ASXL2: variants seen among roughly 807,000 people sequenced by gnomAD.
The protein encoded by ASXL2 is ASXL transcriptional regulator 2.
ASXL2 carries 23 observed loss-of-function variants against 122.0 expected under a neutral mutation model. That is an observed-to-expected ratio of 0.19 (90% CI 0.14 to 0.27). The LOEUF is 0.27. Among genes scored for constraint, ASXL2 ranks in the 10% least tolerant of loss-of-function variants. The pLI is 1.00. For synonymous variants in ASXL2, 650 were observed against 637.0 expected, an observed-to-expected ratio of 1.02 and a Z score of -0.31; for missense variants, 1,518 against 1,713.8, an observed-to-expected ratio of 0.89 and a Z score of 2.02.
intron 3 of ASXL2, among the ~76,000 whole-genome samples, chr2:25,807,807 G>A (rs1231583081): frequency 6.6e-6 from 1 of 151,980 alleles, no homozygotes; most frequent in Non-Finnish European, 1.5e-5. Context: ...AAAAACATGA[G>A]GTCATGCCAT....
In ASXL2 at chr2:25,744,722, C is replaced by T. The variant is rs1418483627; in HGVS notation, c.1861-246G>A. 1.3e-5 allele frequency among the ~76,000 whole-genome samples: 2 copies of T among 152,204 alleles called. No homozygotes were observed. Among genetic ancestry groups the T allele is most frequent in the Non-Finnish European group, 2.9e-5 (2 of 68,038 alleles). On this transcript the variant is annotated intron_variant, in intron 12 of 12. Transcript: ENST00000435504. This position sits in a 1 kb window ranked among gnomAD's most constrained non-coding sequence, Gnocchi z 4.7. ...CTTCCACTCTCACCCCAAATCCCCACACCTCTTTTCCTATCTCAACTCCCT... is the reference window on the plus strand; with the variant it reads ...CTTCCACTCTCACCCCAAATCCCCATACCTCTTTTCCTATCTCAACTCCCT...
At chr2:25,758,790 T>C (rs1244932499) in intron 9 of ASXL2, among the ~76,000 whole-genome samples, 1 of 151,762 alleles carries the variant, frequency 6.6e-6, no homozygotes, top group East Asian at 1.9e-4. Flanking sequence ...ACTGCAAACA[T>C]TCCCAAGTCC....
chr2:25,814,624 C>T (rs1308924357), intron 3 of ASXL2, among the ~76,000 whole-genome samples: 1 of 152,168 alleles, frequency 6.6e-6, no homozygotes, highest in African/African-American at 2.4e-5. Flanking sequence ...TAATTTTATG[C>T]GGTGAGCATG....
At chr2:25,761,218 G>C (rs2088237116) in intron 8 of ASXL2, among the ~76,000 whole-genome samples, 1 of 152,194 alleles carries the variant, frequency 6.6e-6, no homozygotes, top group African/African-American at 2.4e-5. Context: ...TTGTACATTT[G>C]CAGCAACTGA....
intron 8 of ASXL2, among the ~76,000 whole-genome samples, chr2:25,760,059 T>TC (rs1423900321): frequency 6.6e-6 from 1 of 152,128 alleles, no homozygotes; most frequent in African/African-American, 2.4e-5. Flanking sequence ...ACTTTTTTTT[T>TC]CACTGATTTT....
intron 3 of ASXL2, among the ~76,000 whole-genome samples, chr2:25,824,499 A>T (rs2089351719): frequency 6.6e-6 from 1 of 152,040 alleles, no homozygotes; most frequent in African/African-American, 2.4e-5. Context: ...ACACACACAC[A>T]ATTTGCCTCC....
chr2:25,825,346 C>T (rs2089363713), intron 3 of ASXL2, among the ~76,000 whole-genome samples: 1 of 152,090 alleles, frequency 6.6e-6, no homozygotes, highest in Non-Finnish European at 1.5e-5. Context: ...TACCATCTTA[C>T]CTAAGTGTAC....
rs1206371464 is a variant in ASXL2 at position 25,749,963 on chromosome 2, A to G, written c.1593T>C (p.Pro531=). 7 of 1,613,998 alleles carry G rather than the reference A, an allele frequency of 4.3e-6. No individual in the cohort carries two copies. Among genetic ancestry groups the G allele is most frequent in the Middle Eastern group, 3.3e-4 (2 of 6,062 alleles). Residue 531 remains proline, a synonymous_variant, in exon 12 of 13, where the codon CCT becomes CCC. Transcript: ENST00000435504. ...GCTTCACTATTGGTTTTTCAACCCC[A>G]GGACTCTTGGGTTTGCTTGGCGATG... ...LVTSPSKPKS[P]GVEKPIVKPT... is the part of the protein sequence containing the mutation.
At chr2:25,797,607 T>C (rs2088929934) in intron 5 of ASXL2, among the ~76,000 whole-genome samples, 1 of 152,168 alleles carries the variant, frequency 6.6e-6, no homozygotes, top group South Asian at 2.1e-4. Context: ...CGAAAGAAGA[T>C]ATGTAGATGG....
intron 1 of ASXL2, among the ~76,000 whole-genome samples, chr2:25,872,685 ATTAT>A (rs901164295): frequency 7.9e-5 from 12 of 152,188 alleles, no homozygotes; most frequent in African/African-American, 2.4e-4. Context: ...ATTCTATGAG[ATTAT>A]TTTCCATAGC....
At chr2:25,756,955 A>T (rs1044987803) in intron 9 of ASXL2, among the ~76,000 whole-genome samples, 9 of 152,226 alleles carry the variant, frequency 5.9e-5, no homozygotes, top group Non-Finnish European at 1.0e-4. Flanking sequence ...TACAGTGATA[A>T]GCAAGTTACT....
chr2:25,771,546 G>GGA lies in ASXL2; in HGVS notation c.404-7_404-6insTC, dbSNP rs1553696135. On this transcript the variant is annotated splice_region_variant and splice_polypyrimidine_tract_variant and intron_variant, in intron 5 of 12. Transcript: ENST00000435504. The stretch of plus-strand genomic sequence containing the variant: ...CTGCGGGGAGGACGACGATACTAGG[G>GGA]AAAAAAAAGTGACAATAAAAGATTT... The GGA allele has an allele frequency of 6.3e-7, 1 of 1,598,728 alleles. No homozygotes were observed. Among genetic ancestry groups the GGA allele is most frequent in the Non-Finnish European group, 8.5e-7 (1 of 1,172,454 alleles).
intron 1 of ASXL2, among the ~76,000 whole-genome samples, chr2:25,865,510 G>A (rs1367449356): frequency 2.0e-5 from 3 of 151,748 alleles, no homozygotes; most frequent in Non-Finnish European, 4.4e-5. Context: ...GCTCACGCCT[G>A]TAATCCCAGC....
intron 3 of ASXL2, among the ~76,000 whole-genome samples, chr2:25,826,982 C>T (rs996083986): frequency 6.7e-6 from 1 of 150,174 alleles, no homozygotes; most frequent in Non-Finnish European, 1.5e-5. Flanking sequence ...TGCATCACCA[C>T]GAACAGCTAA....
At chr2:25,773,079 C>A (rs2088483785) in intron 5 of ASXL2, among the ~76,000 whole-genome samples, 1 of 151,318 alleles carries the variant, frequency 6.6e-6, no homozygotes, top group Non-Finnish European at 1.5e-5. Context: ...TGTGGTGGCA[C>A]ATGCCTGTAA....
chr2:25,819,858 T>C lies in ASXL2; in HGVS notation c.144-13521A>G, dbSNP rs1294885793. On this transcript the variant is annotated intron_variant, in intron 3 of 12. Coordinates refer to ENST00000435504, the MANE Select transcript of ASXL2 (RefSeq NM_018263.6). ...TATTTTACCCTGTAGTTAAAGAATG[T>C]ACTTGCCTTTAGAAAATATATTCTG... Among the ~76,000 whole-genome samples, 5 of 152,252 alleles carry C rather than the reference T, an allele frequency of 3.3e-5. No homozygotes were observed. The East Asian group carries it at 7.7e-4, about 23-fold the overall frequency.
intron 3 of ASXL2, among the ~76,000 whole-genome samples, chr2:25,834,360 A>T (rs2089485378): frequency 6.6e-6 from 1 of 152,144 alleles, no homozygotes; most frequent in Non-Finnish European, 1.5e-5. Flanking sequence ...CTCCAAAAAA[A>T]TAAATAAATA....
At chr2:25,851,033 G>A (rs1195089077) in intron 1 of ASXL2, among the ~76,000 whole-genome samples, 2 of 151,764 alleles carry the variant, frequency 1.3e-5, no homozygotes, top group African/African-American at 2.4e-5. Context: ...CAGCTACTCC[G>A]AAGGCTGAGG....
At chr2:25,751,363 G>T (rs1446474434) in intron 11 of ASXL2, among the ~76,000 whole-genome samples, 1 of 152,182 alleles carries the variant, frequency 6.6e-6, no homozygotes, top group African/African-American at 2.4e-5. Flanking sequence ...GAATGGGCCA[G>T]GCACAGTGGC....
Sources: gnomAD v4.1 joint callset for allele counts (sites outside exome capture counted in the v4.1 genomes callset) on GRCh38, gnomAD v4.1.1 for gene constraint, Gnocchi (gnomAD v3.1) non-coding constraint, MANE v1.5 for transcripts, NCBI Gene and HGNC (gene_info 2026-07-23, HGNC 2026-07-21) for gene names.